NAV2: variants seen among roughly 807,000 people sequenced by gnomAD.
NAV2 encodes the protein helicase, APC down-regulated 1.
A neutral mutation model predicts 223.2 loss-of-function variants in NAV2; 54 were observed. That is an observed-to-expected ratio of 0.24 (90% CI 0.19 to 0.30). The LOEUF (loss-of-function observed/expected upper bound fraction) is 0.30. Ranked by LOEUF, NAV2 falls within the 10% of genes least tolerant of loss-of-function variation. The probability of loss-of-function intolerance (pLI) is 1.00; values close to 1 mark genes in which losing one functional copy is unlikely to be tolerated. For synonymous variants in NAV2, 1,279 were observed against 1,239.3 expected (o/e 1.03, Z -0.67); for missense variants, 2,806 against 3,147.5 (o/e 0.89, Z 2.60).
intron 1 of NAV2, among the ~76,000 whole-genome samples, chr11:19,649,015 CTGTG>C (rs1218575995): frequency 6.6e-6 from 1 of 152,104 alleles, no homozygotes; most frequent in African/African-American, 2.4e-5. Flanking sequence ...AAGCATCTTT[CTGTG>C]TTATTTTTTA....
At chr11:19,803,446 C>T (rs1352189319) in intron 1 of NAV2, among the ~76,000 whole-genome samples, 1 of 152,236 alleles carries the variant, frequency 6.6e-6, no homozygotes, top group Non-Finnish European at 1.5e-5. Context: ...TTCCACTTTC[C>T]CACTGAAATG....
At chr11:19,434,467 G>T (rs1049721340) in intron 1 of NAV2, among the ~76,000 whole-genome samples, 1 of 152,206 alleles carries the variant, frequency 6.6e-6, no homozygotes, top group African/African-American at 2.4e-5. Context: ...GAGCAAGAAA[G>T]GAAGTGAGGA....
chr11:19,563,364 A>T (rs1022550266), intron 1 of NAV2, among the ~76,000 whole-genome samples: 1 of 152,210 alleles, frequency 6.6e-6, no homozygotes, highest in Non-Finnish European at 1.5e-5. Context: ...CATTACACTT[A>T]GGCTAGATCT....
In NAV2 at chr11:19,896,393, G is replaced by A. The variant is rs1380479496; in HGVS notation, c.931+3799G>A. On this transcript the variant is annotated intron_variant, in intron 6 of 37. Coordinates refer to ENST00000349880, the MANE Select transcript of NAV2 (RefSeq NM_145117.5). ...TCTGTTTTTATGAGTGAGAACTCTCGATACCTCATGTGAATGAAATCACAC... is the reference window on the plus strand; with the variant it reads ...TCTGTTTTTATGAGTGAGAACTCTCAATACCTCATGTGAATGAAATCACAC... Among the ~76,000 whole-genome samples the A allele has an allele frequency of 5.3e-5, 8 of 152,140 alleles. No homozygotes were observed. The East Asian group carries it at 1.4e-3, about 26-fold the overall frequency.
intron 1 of NAV2, among the ~76,000 whole-genome samples, chr11:19,801,864 G>A (rs2058285716): frequency 6.6e-6 from 1 of 152,174 alleles, no homozygotes; most frequent in South Asian, 2.1e-4. Flanking sequence ...TCAGTGATAA[G>A]TGCATATAAA....
chr11:20,074,760 C>CCTTTTTTTTTTTTTTTT (rs56895607), intron 22 of NAV2, among the ~76,000 whole-genome samples: 1,703 of 109,806 alleles, frequency 0.016, 126 homozygotes, highest in South Asian at 0.023. Flanking sequence ...TGCAACTCTG[C>CCTTTTTTTTTTTTTTTT]TTTTTTTTTT....
chr11:19,722,034 C>T lies in NAV2; in HGVS notation c.267+8072C>T, dbSNP rs77276406. Among the ~76,000 whole-genome samples, 588 of 152,240 alleles carry T rather than the reference C, an allele frequency of 3.9e-3. 28 individuals carry two copies. In the East Asian group the frequency reaches 0.077, roughly 20 times the overall value. On this transcript the variant is annotated intron_variant, in intron 1 of 37. Transcript: ENST00000349880. Reference sequence around the variant, plus strand: ...GTCCTGCCTGAATAGTATTTGTCACCGATGCCCCTGATATTTATGAGAACA... The same window carrying T: ...GTCCTGCCTGAATAGTATTTGTCACTGATGCCCCTGATATTTATGAGAACA...
At chr11:19,665,585 A>G (rs2048389130) in intron 1 of NAV2, among the ~76,000 whole-genome samples, 1 of 152,176 alleles carries the variant, frequency 6.6e-6, no homozygotes, top group South Asian at 2.1e-4. Context: ...TAAACTCAAT[A>G]TATGTAAAAG....
rs975171056 is a variant in NAV2 at position 19,780,250 on chromosome 11, T to C, written c.268-52234T>C. Among the ~76,000 whole-genome samples the C allele has an allele frequency of 3.9e-5, 6 of 152,226 alleles. No homozygotes were observed. In the East Asian group the frequency reaches 1.2e-3, roughly 29 times the overall value. On this transcript the variant is annotated intron_variant, in intron 1 of 37. Coordinates refer to ENST00000349880, the MANE Select transcript of NAV2 (RefSeq NM_145117.5). ...ATCTGACAGGGTCACAGGCCTTTGA[T>C]GAAAGTGAGAGGAGGTGACTGCCCA...
chr11:20,084,038 T>G (rs547993688), intron 26 of NAV2, among the ~76,000 whole-genome samples: 1 of 152,338 alleles, frequency 6.6e-6, no homozygotes, highest in Admixed American at 6.5e-5. Flanking sequence ...GTATACCAAC[T>G]GCATGGGAGT....
At chr11:19,438,899 T>C (rs2133675406) in intron 1 of NAV2, among the ~76,000 whole-genome samples, 1 of 152,152 alleles carries the variant, frequency 6.6e-6, no homozygotes. Flanking sequence ...TTAGAGATTT[T>C]TTTTTTTGTA....
intron 1 of NAV2, among the ~76,000 whole-genome samples, chr11:19,695,367 A>G (rs939931236): frequency 1.3e-5 from 2 of 152,114 alleles, no homozygotes; most frequent in African/African-American, 4.8e-5. Flanking sequence ...AGGGAATGAC[A>G]ATACCTGGCA....
chr11:19,392,702 G>C (rs1180263527), intron 1 of NAV2, among the ~76,000 whole-genome samples: 1 of 152,128 alleles, frequency 6.6e-6, no homozygotes, highest in Non-Finnish European at 1.5e-5. Flanking sequence ...TAACGGGGAG[G>C]GATATTAGAC....
intron 1 of NAV2, among the ~76,000 whole-genome samples, chr11:19,743,652 C>T (rs984120149): frequency 5.3e-5 from 8 of 152,264 alleles, no homozygotes; most frequent in African/African-American, 1.9e-4. Context: ...CAAAAAAGTG[C>T]TGGGCTTAGC....
rs531959506 is a variant in NAV2, at chr11:19,868,086, G to T, written c.439-839G>T. 7.2e-5 allele frequency among the ~76,000 whole-genome samples: 11 copies of T among 152,286 alleles called. No homozygotes were observed. The East Asian group carries it at 2.1e-3, about 29-fold the overall frequency. On this transcript the variant is annotated intron_variant, in intron 3 of 37. Coordinates refer to ENST00000349880, the MANE Select transcript of NAV2 (RefSeq NM_145117.5). ...TTGACGGAACCTGGGAAGTAATGAG[G>T]GGTGGGGTGATTGTGGAGGGGAATG...
At chr11:20,007,602 C>T (rs76399107) in intron 11 of NAV2, among the ~76,000 whole-genome samples, 9,864 of 152,252 alleles carry the variant, frequency 0.065, 358 homozygotes, top group South Asian at 0.11. Context: ...GTTTTGCACC[C>T]GGGTCACCAG....
chr11:20,027,323 C>T, intron 11 of NAV2: 1 of 985,466 alleles, frequency 1.0e-6, no homozygotes. Context: ...TTCACGGGAA[C>T]AATTGCCTTG....
chr11:19,849,837 C>T (rs1054493851), intron 3 of NAV2, among the ~76,000 whole-genome samples: 2 of 152,210 alleles, frequency 1.3e-5, no homozygotes, highest in African/African-American at 4.8e-5. Flanking sequence ...CCCAGGGCAG[C>T]ATATACACAC....
intron 1 of NAV2, among the ~76,000 whole-genome samples, chr11:19,550,646 T>C (rs10734276): frequency 0.22 from 33,654 of 152,204 alleles, 4,212 homozygotes; most frequent in East Asian, 0.5. Flanking sequence ...GAATGTTTGC[T>C]AATAGATGCC....
Sources: gnomAD v4.1 joint callset for allele counts (sites outside exome capture counted in the v4.1 genomes callset) on GRCh38, gnomAD v4.1.1 for gene constraint, MANE v1.5 for transcripts, NCBI Gene and HGNC (gene_info 2026-07-23, HGNC 2026-07-21) for gene names.